Variants in ZNF780A observed in about 807,000 individuals in gnomAD.
ZNF780A encodes zinc finger protein 780A.
Under a neutral mutation model 56.7 loss-of-function variants are expected in ZNF780A, and 40 were observed. The ratio of observed to expected loss-of-function variants is 0.71; its 90% CI spans 0.55 to 0.92. ZNF780A has a LOEUF of 0.92. ZNF780A is among the 40% of genes least tolerant of loss of function. The probability of loss-of-function intolerance (pLI) is 0.00; values close to 1 mark genes in which losing one functional copy is unlikely to be tolerated. For synonymous variants in ZNF780A, 231 were observed against 248.3 expected, an observed-to-expected ratio of 0.93 and a Z score of 0.66; for missense variants, 672 against 783.3, an observed-to-expected ratio of 0.86 and a Z score of 1.70.
intron 3 of ZNF780A, among the ~76,000 whole-genome samples, chr19:40,084,189 G>A (rs952462792): frequency 7.9e-5 from 12 of 151,976 alleles, no homozygotes; most frequent in African/African-American, 1.9e-4. Flanking sequence ...GATTGCACGC[G>A]TGAGCCACCA....
chr19:40,086,992 C>T (rs767356415), intron 2 of ZNF780A, among the ~76,000 whole-genome samples: 3 of 152,088 alleles, frequency 2.0e-5, no homozygotes, highest in Middle Eastern at 3.2e-3. Flanking sequence ...TGTGAGCCAC[C>T]GCGCCCCGCC....
Position 40,074,759 on chromosome 19 carries a change from T to C in ZNF780A, c.1683A>G (p.Glu561=), listed in dbSNP as rs1452169727. 1.9e-6 allele frequency: 3 copies of C among 1,613,994 alleles called. No individual in the cohort carries two copies. The highest frequency in any genetic ancestry group is 2.2e-5 in the East Asian group (1 of 44,862). The change falls in exon 6 of 6, where the codon GAA becomes GAG. Residue 561 remains glutamate (E), a synonymous_variant. Transcript: ENST00000683561. ...TATGAAGTCGAAAGGCTTTCCCACA[T>C]TCCTTACATTCAAAGGGTTTCTTTC... ...HTGKKPFECK[E]CGKAFRLHMH...
chr19:40,089,425 T>C, intron 2 of ZNF780A: 1 of 713,170 alleles, frequency 1.4e-6, no homozygotes, highest in Non-Finnish European at 2.0e-6. Context: ...CTGTAGAGAG[T>C]CAAGGGGAAT....
intron 2 of ZNF780A, among the ~76,000 whole-genome samples, chr19:40,088,034 G>T (rs1356838691): frequency 6.6e-6 from 1 of 152,120 alleles, no homozygotes; most frequent in Non-Finnish European, 1.5e-5. Context: ...AGACTTAAAT[G>T]TAAGATCCTA....
intron 2 of ZNF780A, chr19:40,085,248 C>T (rs777438082): frequency 4.1e-6 from 4 of 985,438 alleles, no homozygotes; most frequent in Non-Finnish European, 4.8e-6. Context: ...TGGGGGAAGG[C>T]ATGAGAACTG....
In ZNF780A at chr19:40,075,114, T is replaced by C; in HGVS notation, c.1328A>G (p.Lys443Arg). The change falls in exon 6 of 6, where the codon AAA becomes AGA. Residue 443 changes from lysine to arginine, a missense_variant. Transcript: ENST00000683561. ...IQHQKIHSNE[K>R]PFVCRECEMA... The stretch of plus-strand genomic sequence containing the variant: ...CTCACATTCCCTACATACAAAAGGT[T>C]TCTCATTGGAATGAATTTTCTGATG... 1 of 1,614,136 alleles carries C rather than the reference T, an allele frequency of 6.2e-7. No homozygotes were observed. The highest frequency in any genetic ancestry group is 8.5e-7 in the Non-Finnish European group (1 of 1,180,026).
rs144919039 is a variant in ZNF780A, at chr19:40,075,159, C to T, written c.1283G>A (p.Arg428His). The change falls in exon 6 of 6, where the codon CGT becomes CAT. Residue 428 changes from arginine (R) to histidine (H), a missense_variant. Transcript: ENST00000683561. ...CTGATGCTGAATAAGGTGTGCACCA[C>T]GATTAAAGCCTTTCCCACACTCCTT... is the stretch of plus-strand genomic sequence containing the variant. Reference protein sequence around the residue: ...ECKECGKGFNRGAHLIQHQKI... With the variant: ...ECKECGKGFNHGAHLIQHQKI... The T allele has an allele frequency of 1.3e-3, 2,081 of 1,609,598 alleles. 5 individuals are homozygous for T. The highest frequency in any genetic ancestry group is 9.4e-4 in the Non-Finnish European group (1,106 of 1,178,520).
chr19:40,072,775 T>C, downstream of ZNF780A: 1 of 1,363,392 alleles, frequency 7.3e-7, no homozygotes, highest in Non-Finnish European at 9.5e-7. Flanking sequence ...GGCCCAGAAT[T>C]ATAAGCTAGG....
intron 2 of ZNF780A, 111 bp from the exon 3 acceptor site, chr19:40,084,909 T>G: frequency 7.9e-7 from 1 of 1,267,630 alleles, no homozygotes; most frequent in Non-Finnish European, 1.1e-6. Flanking sequence ...CACGCACACT[T>G]CCACCCTTCT....
chr19:40,080,714 A>G (rs1044250085), intron 5 of ZNF780A, among the ~76,000 whole-genome samples: 2 of 152,182 alleles, frequency 1.3e-5, no homozygotes, highest in Non-Finnish European at 2.9e-5. Context: ...AAAACTACCT[A>G]TTGGGTACTA....
chr19:40,085,962 ATATG>A (rs1206669294), intron 2 of ZNF780A, among the ~76,000 whole-genome samples: 4 of 149,484 alleles, frequency 2.7e-5, no homozygotes, highest in Admixed American at 6.6e-5. Context: ...GTGTATATAT[ATATG>A]TGTGTGTGTA....
chr19:40,077,882 CAA>C lies in ZNF780A; in HGVS notation c.233-1675_233-1674del, dbSNP rs1212498266. On this transcript the variant is annotated intron_variant, in intron 5 of 5. Transcript: ENST00000683561. ...AAATGAGAATAAACACAGGAAATAA[CAA>C]AAAAAAAAAAAAGAGAAGGAAACTT... Among the ~76,000 whole-genome samples the C allele has an allele frequency of 8.9e-3, 997 of 111,576 alleles. 4 individuals carry two copies. The highest frequency in any genetic ancestry group is 0.015 in the Non-Finnish European group (786 of 51,604). The allele number at this position is 111,576 out of a possible 152,430, so 73.2% of individuals were successfully genotyped here. A position where few individuals can be genotyped will look rare whatever the true frequency, so the allele number is the denominator to read the frequency against.
Position 40,074,724 on chromosome 19 carries a change from A to G in ZNF780A, c.1718T>C (p.Ile573Thr). Residue 573 changes from isoleucine to threonine, a missense_variant, in exon 6 of 6, where the codon ATT becomes ACT. Physicochemically the swap from Ile to Thr is moderately conservative, Grantham distance 89. Transcript: ENST00000683561. ...ACCAGTATGCAATTTCTGATGTCGAATAAGGTGCATATGAAGTCGAAAGGC... is the reference window on the plus strand; with the variant it reads ...ACCAGTATGCAATTTCTGATGTCGAGTAAGGTGCATATGAAGTCGAAAGGC... ...GKAFRLHMHL[I>T]RHQKLHTGEK... The G allele has an allele frequency of 6.2e-7, 1 of 1,613,748 alleles. No homozygotes were observed. The highest frequency in any genetic ancestry group is 8.5e-7 in the Non-Finnish European group (1 of 1,179,924).
At position 40,075,821 on chromosome 19, in the gene ZNF780A, T is replaced by C. The variant is rs753558495; in HGVS notation, c.621A>G (p.Gln207=). The change falls in exon 6 of 6, where the codon CAA becomes CAG. Residue 207 remains glutamine (Q), a synonymous_variant. Coordinates refer to ENST00000683561, the MANE Select transcript of ZNF780A (RefSeq NM_001142578.2). The part of the protein sequence containing the change: ...ECGKAFRLHI[Q]FTRHQKFHTG... Reference sequence around the variant, plus strand: ...TATGAAATTTCTGATGTCGAGTAAATTGTATGTGAAGTCGAAAGGCTTTCC... The same window carrying C: ...TATGAAATTTCTGATGTCGAGTAAACTGTATGTGAAGTCGAAAGGCTTTCC... 1.2e-6 allele frequency: 2 copies of C among 1,613,042 alleles called. No homozygotes were observed. Among genetic ancestry groups the C allele is most frequent in the South Asian group, 1.1e-5 (1 of 91,000 alleles).
rs1434037704 is a variant in ZNF780A at position 40,087,619 on chromosome 19, C to A, written c.-46+2547G>T. On this transcript the variant is annotated intron_variant, in intron 2 of 5. Transcript: ENST00000683561. The stretch of plus-strand genomic sequence containing the variant: ...TCACAGGAACTCAGGTTAAGAATTT[C>A]TGTCCTACATTCCTTACAGAAACAG... 3.3e-5 allele frequency among the ~76,000 whole-genome samples: 5 copies of A among 152,074 alleles called. No individual in the cohort carries two copies. In the East Asian group the frequency reaches 7.7e-4, roughly 23 times the overall value.
In ZNF780A at chr19:40,074,260, T is replaced by G; in HGVS notation, c.*256A>C. 1 of 1,469,286 alleles carries G rather than the reference T, an allele frequency of 6.8e-7. No homozygotes were observed. Among genetic ancestry groups the G allele is most frequent in the Non-Finnish European group, 9.0e-7 (1 of 1,108,452 alleles). The allele number at this position is 1,469,286 out of a possible 1,614,324, so 91.0% of individuals were successfully genotyped here. A position where few individuals can be genotyped will look rare whatever the true frequency, so the allele number is the denominator to read the frequency against. ...AAACTGAAGGCCTTTCCACATTCTT[T>G]ACATTCAAAGGGTTTTTTACCAGTG... is the stretch of plus-strand genomic sequence containing the variant. On this transcript the variant is annotated 3_prime_UTR_variant, in exon 6 of 6. Coordinates refer to ENST00000683561, the MANE Select transcript of ZNF780A (RefSeq NM_001142578.2).
In ZNF780A at chr19:40,083,091, C is replaced by T. The variant is rs1974575600; in HGVS notation, c.136+20G>A. ...TTCCAGAAAATAGATATAAAAATAG[C>T]TGGGACTCAACGACCTTACCCAGTG... On this transcript the variant is annotated intron_variant, in intron 4 of 5. Transcript: ENST00000683561. The T allele has an allele frequency of 1.4e-5, 22 of 1,614,098 alleles. No homozygotes were observed. Among genetic ancestry groups the T allele is most frequent in the Non-Finnish European group, 1.9e-5 (22 of 1,179,986 alleles).
intron 4 of ZNF780A, among the ~76,000 whole-genome samples, chr19:40,082,903 C>T (rs937182760): frequency 6.6e-6 from 1 of 152,136 alleles, no homozygotes; most frequent in Non-Finnish European, 1.5e-5. Flanking sequence ...AGAGGACCAG[C>T]GTAACGAAGG....
intron 3 of ZNF780A, 121 bp from the exon 4 acceptor site, chr19:40,083,358 C>T (rs775727688): frequency 2.1e-6 from 3 of 1,446,424 alleles, no homozygotes; most frequent in Non-Finnish European, 2.8e-6. Context: ...AGAGTGCCTG[C>T]ACATTCTTCA....
Sources: gnomAD v4.1 joint callset for allele counts (sites outside exome capture counted in the v4.1 genomes callset) on GRCh38, gnomAD v4.1.1 for gene constraint, MANE v1.5 for transcripts, NCBI Gene and HGNC (gene_info 2026-07-23, HGNC 2026-07-21) for gene names.